LRMDA: variants seen among roughly 807,000 people sequenced by gnomAD.
LRMDA encodes the protein leucine rich melanocyte differentiation associated.
In LRMDA, 18 loss-of-function variants were observed where a neutral mutation model predicts 29.8. The observed-to-expected ratio is 0.60, with a 90% CI of 0.42 to 0.90. The LOEUF is 0.90. LRMDA is among the 40% of genes least tolerant of loss of function. The pLI, the probability that LRMDA is intolerant of heterozygous loss-of-function variation, is 0.00. For synonymous variants in LRMDA, 125 were observed against 109.4 expected (o/e 1.14, Z -0.89); for missense variants, 273 against 273.9 (o/e 1.00, Z 0.02).
At chr10:75,487,577 C>T (rs1349539021) in intron 2 of LRMDA, among the ~76,000 whole-genome samples, 1 of 152,176 alleles carries the variant, frequency 6.6e-6, no homozygotes, top group Non-Finnish European at 1.5e-5. Flanking sequence ...ATCTTGGTCA[C>T]AGTTTCTCCT....
intron 5 of LRMDA, among the ~76,000 whole-genome samples, chr10:76,062,696 GTT>G (rs1491144739): frequency 1.1e-4 from 16 of 143,406 alleles, no homozygotes; most frequent in African/African-American, 3.9e-4. Context: ...GTGTGTGTGT[GTT>G]ATTAGTTGAT....
intron 2 of LRMDA, among the ~76,000 whole-genome samples, chr10:75,802,903 T>A (rs1843778735): frequency 6.6e-6 from 1 of 151,694 alleles, no homozygotes; most frequent in South Asian, 2.1e-4. Context: ...TTATTTGTGG[T>A]CTTGACCTGA....
intron 6 of LRMDA, among the ~76,000 whole-genome samples, chr10:76,494,254 T>C (rs1842861245): frequency 6.6e-6 from 1 of 151,930 alleles, no homozygotes; most frequent in Non-Finnish European, 1.5e-5. Context: ...CTTGTCAACT[T>C]TCTGATCGTA....
chr10:76,300,598 G>A (rs1271471558), intron 5 of LRMDA, among the ~76,000 whole-genome samples: 1 of 152,222 alleles, frequency 6.6e-6, no homozygotes, highest in Non-Finnish European at 1.5e-5. Flanking sequence ...TGGAACAGAT[G>A]AAATCTCTTC....
intron 5 of LRMDA, among the ~76,000 whole-genome samples, chr10:76,229,079 A>T (rs913448905): frequency 6.6e-6 from 1 of 152,198 alleles, no homozygotes; most frequent in Non-Finnish European, 1.5e-5. Flanking sequence ...GAAGCAGGAG[A>T]TGTTGAAATT....
At chr10:76,392,260 G>A (rs747432230) in intron 6 of LRMDA, among the ~76,000 whole-genome samples, 1 of 152,106 alleles carries the variant, frequency 6.6e-6, no homozygotes. Flanking sequence ...TGGAAGGCTT[G>A]TAGGTCAACG....
rs999655364 is a variant in LRMDA at position 75,925,415 on chromosome 10, T to TG, written c.132-110586dup. Among the ~76,000 whole-genome samples, 34 of 152,250 alleles carry TG rather than the reference T, an allele frequency of 2.2e-4. No individual in the cohort carries two copies. The East Asian group carries it at 2.7e-3, about 12-fold the overall frequency. On this transcript the variant is annotated intron_variant, in intron 2 of 6. Coordinates refer to ENST00000611255, the MANE Select transcript of LRMDA (RefSeq NM_001305581.2). Reference sequence around the variant, plus strand: ...CAAGTTGCTTGAGAGTGTTAGCGTCTGGGGGGGTTGGAATATGGCAGTTTA... The same window carrying TG: ...CAAGTTGCTTGAGAGTGTTAGCGTCTGGGGGGGGTTGGAATATGGCAGTTTA...
intron 2 of LRMDA, among the ~76,000 whole-genome samples, chr10:75,877,548 G>A (rs1057072608): frequency 6.6e-6 from 1 of 152,174 alleles, no homozygotes; most frequent in Non-Finnish European, 1.5e-5. Flanking sequence ...CATTCTAAAC[G>A]GGCAGTAAAT....
At chr10:76,335,884 G>A (rs147269482) in intron 6 of LRMDA, among the ~76,000 whole-genome samples, 176 of 152,210 alleles carry the variant, frequency 1.2e-3, no homozygotes, top group African/African-American at 3.9e-3. Flanking sequence ...ATGCTGGTTG[G>A]CTTTTCCTGA....
chr10:76,146,037 T>C (rs1338190709), intron 5 of LRMDA, among the ~76,000 whole-genome samples: 2 of 151,950 alleles, frequency 1.3e-5, no homozygotes, highest in African/African-American at 4.8e-5. Flanking sequence ...CTAGTTTGAT[T>C]GCACTGTGGT....
At chr10:75,581,974 C>T (rs1589192910) in intron 2 of LRMDA, among the ~76,000 whole-genome samples, 3 of 152,228 alleles carry the variant, frequency 2.0e-5, no homozygotes, top group Admixed American at 2.0e-4. Context: ...TCTTTGACTC[C>T]CTGTCTCACA....
chr10:76,128,771 C>A (rs923659916), intron 5 of LRMDA, among the ~76,000 whole-genome samples: 4 of 152,178 alleles, frequency 2.6e-5, no homozygotes, highest in Admixed American at 2.6e-4. Flanking sequence ...TTGGTTGACA[C>A]AATTCCCCAC....
At chr10:75,601,820 C>T (rs1840890733) in intron 2 of LRMDA, among the ~76,000 whole-genome samples, 2 of 152,168 alleles carry the variant, frequency 1.3e-5, no homozygotes, top group Admixed American at 1.3e-4. Flanking sequence ...GTAACTTGCA[C>T]AGGATCAGTT....
At chr10:75,675,104 G>A (rs1841943955) in intron 2 of LRMDA, among the ~76,000 whole-genome samples, 1 of 152,112 alleles carries the variant, frequency 6.6e-6, no homozygotes, top group Non-Finnish European at 1.5e-5. Flanking sequence ...TCTTCTTCTT[G>A]TTGAATTCAG....
At chr10:76,334,022 C>G (rs765584640) in intron 6 of LRMDA, among the ~76,000 whole-genome samples, 5 of 152,128 alleles carry the variant, frequency 3.3e-5, no homozygotes, top group African/African-American at 9.7e-5. Flanking sequence ...AATGGAAGAC[C>G]GGTGGAGTTA....
chr10:75,845,377 C>CTG lies in LRMDA; in HGVS notation c.132-190630_132-190629dup, dbSNP rs553956938. The stretch of plus-strand genomic sequence containing the variant: ...ATTATACCAGACATATCAAGTATAA[C>CTG]TGAATGGATCATTTAACTGGCATTT... On this transcript the variant is annotated intron_variant, in intron 2 of 6. Coordinates refer to ENST00000611255, the MANE Select transcript of LRMDA (RefSeq NM_001305581.2). Among the ~76,000 whole-genome samples the CTG allele has an allele frequency of 8.3e-4, 126 of 152,286 alleles. 1 individual carries two copies. The highest frequency in any genetic ancestry group is 2.9e-3 in the African/African-American group (122 of 41,570).
intron 6 of LRMDA, among the ~76,000 whole-genome samples, chr10:76,503,361 C>G (rs1166092065): frequency 1.3e-5 from 2 of 151,842 alleles, no homozygotes; most frequent in Non-Finnish European, 2.9e-5. Context: ...AGGAGCCCCT[C>G]ATCCCTGATT....
At chr10:75,508,365 C>G (rs1204567587) in intron 2 of LRMDA, among the ~76,000 whole-genome samples, 1 of 152,146 alleles carries the variant, frequency 6.6e-6, no homozygotes, top group East Asian at 1.9e-4. Context: ...ATGACATTAC[C>G]TATCAGCTTG....
At chr10:76,138,907 T>G (rs1398732895) in intron 5 of LRMDA, among the ~76,000 whole-genome samples, 1 of 152,122 alleles carries the variant, frequency 6.6e-6, no homozygotes, top group East Asian at 1.9e-4. Context: ...TTTACATCAT[T>G]TTTTTTATAT....
Sources: allele counts gnomAD v4.1 joint callset (sites outside exome capture counted in the v4.1 genomes callset), GRCh38; gene constraint gnomAD v4.1.1; transcripts MANE v1.5; gene names NCBI Gene and HGNC (gene_info 2026-07-23, HGNC 2026-07-21).